The following HCN4 variants were observed in gnomAD, a reference collection of about 807,000 sequenced individuals.
The protein encoded by HCN4 is hyperpolarization activated cyclic nucleotide gated potassium channel 4.
In HCN4, 29 loss-of-function variants were observed where a neutral mutation model predicts 76.9. That is an observed-to-expected ratio of 0.38 (90% confidence interval 0.28 to 0.51). HCN4 has a LOEUF of 0.51. Ranked by LOEUF, HCN4 falls within the 20% of genes least tolerant of loss-of-function variation. HCN4 has a pLI of 0.90. For missense variants in HCN4, 1,416 were observed against 1,715.2 expected (o/e 0.83, Z 3.08); for synonymous variants, 772 against 762.5 (o/e 1.01, Z -0.21).
chr15:73,333,448 G>C (rs12442669), intron 2 of HCN4, among the ~76,000 whole-genome samples: 2 of 152,122 alleles, frequency 1.3e-5, no homozygotes, highest in Admixed American at 6.5e-5. Flanking sequence ...GTGGAAACTA[G>C]GCCCAAACAG....
At chr15:73,338,615 A>G (rs1234117196) in intron 2 of HCN4, among the ~76,000 whole-genome samples, 1 of 152,196 alleles carries the variant, frequency 6.6e-6, no homozygotes, top group Admixed American at 6.5e-5. Flanking sequence ...CCTCCCAACA[A>G]AGAGTTGATT....
chr15:73,332,334 G>C (rs961799817), intron 2 of HCN4, 42 bp from the exon 3 acceptor site: 11 of 1,601,048 alleles, frequency 6.9e-6, no homozygotes, highest in African/African-American at 4.0e-5. Context: ...TAGGTGAGTG[G>C]CCAGGAGGGC....
chr15:73,350,323 A>G (rs1481212252), intron 1 of HCN4, among the ~76,000 whole-genome samples: 1 of 152,102 alleles, frequency 6.6e-6, no homozygotes, highest in Non-Finnish European at 1.5e-5. Context: ...AAGGACCACC[A>G]TCAACCCTTT....
At chr15:73,341,437 C>T (rs963378724) in intron 2 of HCN4, among the ~76,000 whole-genome samples, 2 of 152,238 alleles carry the variant, frequency 1.3e-5, no homozygotes, top group Middle Eastern at 6.8e-3. Flanking sequence ...CCACCGCGCC[C>T]GGCCAGGAGG....
intron 4 of HCN4, among the ~76,000 whole-genome samples, chr15:73,326,789 A>ATT (rs1363132655): frequency 3.5e-5 from 5 of 144,494 alleles, no homozygotes; most frequent in Admixed American, 3.0e-4. Flanking sequence ...TTATTTATTT[A>ATT]TTTATTTTTT....
At chr15:73,338,998 G>A (rs1003955574) in intron 2 of HCN4, among the ~76,000 whole-genome samples, 1 of 152,232 alleles carries the variant, frequency 6.6e-6, no homozygotes, top group South Asian at 2.1e-4. Flanking sequence ...TCTACAGGAT[G>A]AGGGGACTCA....
intron 4 of HCN4, among the ~76,000 whole-genome samples, chr15:73,326,018 C>T (rs1405146118): frequency 1.3e-5 from 2 of 152,104 alleles, no homozygotes; most frequent in African/African-American, 2.4e-5. Context: ...GCAGGGTAGA[C>T]TAATTTGAGG....
At chr15:73,347,210 T>C (rs1166078593) in intron 1 of HCN4, among the ~76,000 whole-genome samples, 2 of 152,236 alleles carry the variant, frequency 1.3e-5, no homozygotes, top group Non-Finnish European at 2.9e-5. Context: ...CTGCTGTTAT[T>C]TTACAGATGA....
intron 1 of HCN4, among the ~76,000 whole-genome samples, chr15:73,347,034 C>T (rs764050961): frequency 7.2e-5 from 11 of 152,124 alleles, no homozygotes; most frequent in Non-Finnish European, 1.6e-4. Flanking sequence ...TCCTGCTGGT[C>T]GAAGCATCTC....
At position 73,323,718 on chromosome 15, in the gene HCN4, G is replaced by T; in HGVS notation, c.2375C>A (p.Ala792Asp). The T allele has an allele frequency of 6.2e-7, 1 of 1,601,262 alleles. No homozygotes were observed. The change falls in exon 8 of 8, where the codon GCC becomes GAC. Residue 792 changes from alanine to aspartate, a missense_variant. By Grantham distance (126) the Ala-to-Asp change is moderately radical (BLOSUM62 -2). Around this residue, in one of 6 missense-constraint regions of HCN4, gnomAD observed 633 missense variants for 579.8 expected, o/e 1.09. Coordinates refer to ENST00000261917, the MANE Select transcript of HCN4 (RefSeq NM_005477.3). ...GCGAGGGTGGTGGGTGAGGGCTATGGCCACAGAAGTGGTGGCAGCGGCAGC... is the reference window on the plus strand; with the variant it reads ...GCGAGGGTGGTGGGTGAGGGCTATGTCCACAGAAGTGGTGGCAGCGGCAGC... ...LQAAAATTSVAIALTHHPRLP... is the reference protein window; with the variant it reads ...LQAAAATTSVDIALTHHPRLP...
At chr15:73,364,086 T>C (rs1020705046) in intron 1 of HCN4, among the ~76,000 whole-genome samples, 1 of 152,146 alleles carries the variant, frequency 6.6e-6, no homozygotes, top group African/African-American at 2.4e-5. Context: ...AAGGACACTT[T>C]AAGCACCCCC....
chr15:73,357,698 TGGAG>T (rs150376949), intron 1 of HCN4, among the ~76,000 whole-genome samples: 1,890 of 152,040 alleles, frequency 0.012, 38 homozygotes, highest in African/African-American at 0.044. Context: ...CATGACCTAA[TGGAG>T]GGAGGGCCTT....
chr15:73,330,841 G>A (rs1358680626), intron 3 of HCN4, among the ~76,000 whole-genome samples: 4 of 152,234 alleles, frequency 2.6e-5, no homozygotes, highest in Non-Finnish European at 5.9e-5. Context: ...ATCCCCAGGG[G>A]TGGAAGAGAC....
chr15:73,365,355 G>A (rs945075429), intron 1 of HCN4, among the ~76,000 whole-genome samples: 1 of 152,164 alleles, frequency 6.6e-6, no homozygotes, highest in Non-Finnish European at 1.5e-5. Context: ...CAAAGAGGAC[G>A]TGCCACTTGC....
intron 2 of HCN4, among the ~76,000 whole-genome samples, chr15:73,338,054 C>T (rs1206023530): frequency 6.6e-6 from 1 of 150,686 alleles, no homozygotes; most frequent in African/African-American, 2.5e-5. Context: ...GGTGGGGGCA[C>T]ATCCATTCAG....
At chr15:73,339,814 C>T (rs560862988) in intron 2 of HCN4, among the ~76,000 whole-genome samples, 1 of 152,184 alleles carries the variant, frequency 6.6e-6, no homozygotes, top group Non-Finnish European at 1.5e-5. Context: ...GCTGGAGTGG[C>T]CTGCTATGGT....
At chr15:73,362,861 G>A (rs2043111539) in intron 1 of HCN4, among the ~76,000 whole-genome samples, 1 of 152,212 alleles carries the variant, frequency 6.6e-6, no homozygotes, top group African/African-American at 2.4e-5. Flanking sequence ...CCTTGCAGCA[G>A]GGAGAACCTG....
chr15:73,357,646 C>G (rs913272922), intron 1 of HCN4, among the ~76,000 whole-genome samples: 1 of 151,976 alleles, frequency 6.6e-6, no homozygotes, highest in Non-Finnish European at 1.5e-5. Context: ...AAGGATGCCC[C>G]GGAAACAAAG....
At chr15:73,365,883 T>A (rs975013744) in intron 1 of HCN4, among the ~76,000 whole-genome samples, 1 of 151,736 alleles carries the variant, frequency 6.6e-6, no homozygotes. Flanking sequence ...CACTGAAGAG[T>A]TGAGAGACAG....
Sources: gnomAD v4.1 joint callset for allele counts (sites outside exome capture counted in the v4.1 genomes callset) on GRCh38, gnomAD v4.1.1 for gene constraint, gnomAD v4.1.1 regional missense constraint, MANE v1.5 for transcripts, NCBI Gene and HGNC (gene_info 2026-07-23, HGNC 2026-07-21) for gene names.